NUBPL: variants seen among roughly 807,000 people sequenced by gnomAD.
The protein encoded by NUBPL is NUBP iron-sulfur cluster assembly factor, mitochondrial.
Under a neutral mutation model 45.7 loss-of-function variants are expected in NUBPL, and 31 were observed. That is an observed-to-expected ratio of 0.68 (90% confidence interval 0.51 to 0.92). NUBPL has a LOEUF of 0.92. NUBPL is among the 40% of genes least tolerant of loss of function. NUBPL has a pLI of 0.00. For missense variants in NUBPL, 401 were observed against 398.7 expected (o/e 1.01, Z -0.05); for synonymous variants, 144 against 140.9 (o/e 1.02, Z -0.15).
chr14:31,686,088 C>A (rs902185529), intron 6 of NUBPL, among the ~76,000 whole-genome samples: 3 of 151,952 alleles, frequency 2.0e-5, no homozygotes, highest in African/African-American at 4.8e-5. Flanking sequence ...ATGATAAGAC[C>A]CCTGTGTAGC....
chr14:31,784,250 G>A (rs551670163), intron 6 of NUBPL, among the ~76,000 whole-genome samples: 119 of 152,086 alleles, frequency 7.8e-4, no homozygotes, highest in Non-Finnish European at 1.0e-3. Flanking sequence ...GTTACAGTTC[G>A]TTTTCTTTTT....
In NUBPL at chr14:31,753,241, G is replaced by A. The variant is rs529137922; in HGVS notation, c.514-34539G>A. Among the ~76,000 whole-genome samples, 4 of 152,308 alleles carry A rather than the reference G, an allele frequency of 2.6e-5. No individual in the cohort carries two copies. In the East Asian group the frequency reaches 7.7e-4, roughly 29 times the overall value. ...CATGTAGTGTCCAGTGGCTCCACTG[G>A]TCACAGGGCCATGGTTGCCAGTGGC... On this transcript the variant is annotated intron_variant, in intron 6 of 10. Transcript: ENST00000281081.
At chr14:31,810,344 T>C (rs1183735914) in intron 7 of NUBPL, among the ~76,000 whole-genome samples, 1 of 152,228 alleles carries the variant, frequency 6.6e-6, no homozygotes, top group African/African-American at 2.4e-5. Flanking sequence ...GCTCTTCTTG[T>C]TGAATTGTTC....
chr14:31,802,554 G>A (rs531063422), intron 7 of NUBPL, among the ~76,000 whole-genome samples: 1 of 152,184 alleles, frequency 6.6e-6, no homozygotes, highest in Non-Finnish European at 1.5e-5. Context: ...GGGATTACAG[G>A]CGTGAGCCAC....
At chr14:31,666,269 A>T (rs1328070159) in intron 4 of NUBPL, among the ~76,000 whole-genome samples, 1,145 of 108,764 alleles carry the variant, frequency 0.011, 114 homozygotes, top group Admixed American at 0.096. Flanking sequence ...ATATAATTTT[A>T]TTTTATTTTT....
At chr14:31,678,733 G>A (rs568236878) in intron 6 of NUBPL, among the ~76,000 whole-genome samples, 6 of 152,140 alleles carry the variant, frequency 3.9e-5, no homozygotes, top group Non-Finnish European at 8.8e-5. Flanking sequence ...GTGAAGCCAC[G>A]ACCTGTGCAG....
chr14:31,705,819 G>A (rs954444003), intron 6 of NUBPL, among the ~76,000 whole-genome samples: 1 of 152,042 alleles, frequency 6.6e-6, no homozygotes, highest in South Asian at 2.1e-4. Context: ...CACCTAGCCC[G>A]GGCACTCTGG....
intron 2 of NUBPL, among the ~76,000 whole-genome samples, chr14:31,564,248 G>A (rs1164973754): frequency 3.3e-5 from 5 of 152,080 alleles, no homozygotes; most frequent in South Asian, 2.1e-4. Context: ...TATGGGATTC[G>A]TCAGCATAAG....
chr14:31,562,305 A>C lies in NUBPL; in HGVS notation c.256+90A>C. 2.4e-6 allele frequency: 3 copies of C among 1,274,014 alleles called. No homozygotes were observed. In the South Asian group the frequency reaches 4.3e-5, roughly 18 times the overall value. The allele number at this position is 1,274,014 out of a possible 1,614,324, so 78.9% of individuals were successfully genotyped here. A position where few individuals can be genotyped will look rare whatever the true frequency, so the allele number is the denominator to read the frequency against. ...TGAAATTATAGTTTTGTGTTTTAAA[A>C]ATTTATTTGTGAAGTTCCTAACATG... is the stretch of plus-strand genomic sequence containing the variant. On this transcript the variant is annotated intron_variant, in intron 2 of 10. Transcript: ENST00000281081.
chr14:31,722,059 C>T (rs2037821786), intron 6 of NUBPL, among the ~76,000 whole-genome samples: 1 of 152,074 alleles, frequency 6.6e-6, no homozygotes, highest in African/African-American at 2.4e-5. Flanking sequence ...TGCAGTGGCA[C>T]AGTCTTGGCT....
At chr14:31,751,845 A>G (rs1188394244) in intron 6 of NUBPL, among the ~76,000 whole-genome samples, 1 of 145,100 alleles carries the variant, frequency 6.9e-6, no homozygotes, top group Non-Finnish European at 1.5e-5. Flanking sequence ...AGACTTCCAT[A>G]CATCCTCTGA....
intron 6 of NUBPL, 89 bp from the exon 7 acceptor site, chr14:31,787,691 T>C: frequency 1.1e-6 from 1 of 881,762 alleles, no homozygotes; most frequent in Non-Finnish European, 1.9e-6. Context: ...GCTATGATTT[T>C]ATATTTGTTA....
At chr14:31,737,678 G>A (rs933733720) in intron 6 of NUBPL, among the ~76,000 whole-genome samples, 5 of 152,216 alleles carry the variant, frequency 3.3e-5, no homozygotes, top group Admixed American at 6.5e-5. Flanking sequence ...CGTCTACTCC[G>A]GAGGCTGAGG....
chr14:31,642,971 A>G (rs761074156), intron 4 of NUBPL, among the ~76,000 whole-genome samples: 1 of 152,100 alleles, frequency 6.6e-6, no homozygotes, highest in African/African-American at 2.4e-5. Flanking sequence ...CTGTTGGTGT[A>G]TATAAGTGCT....
At chr14:31,662,532 C>A (rs1595455419) in intron 4 of NUBPL, among the ~76,000 whole-genome samples, 1 of 152,082 alleles carries the variant, frequency 6.6e-6, no homozygotes, top group African/African-American at 2.4e-5. Context: ...CATCTGTTCT[C>A]ATTGTTCAAC....
chr14:31,839,521 AC>A (rs1050835762), intron 8 of NUBPL, among the ~76,000 whole-genome samples: 26 of 152,300 alleles, frequency 1.7e-4, no homozygotes, highest in African/African-American at 5.1e-4. Flanking sequence ...TTAGAAGAAA[AC>A]CTAGAAGAGA....
chr14:31,642,816 C>A (rs1193919147), intron 4 of NUBPL, among the ~76,000 whole-genome samples: 1 of 151,954 alleles, frequency 6.6e-6, no homozygotes, highest in Non-Finnish European at 1.5e-5. Context: ...GTAAAAATGT[C>A]CTCTTCAGTT....
intron 3 of NUBPL, among the ~76,000 whole-genome samples, chr14:31,584,213 C>T (rs2033936736): frequency 6.6e-6 from 1 of 152,022 alleles, no homozygotes; most frequent in South Asian, 2.1e-4. Flanking sequence ...CAACTTCTGC[C>T]TCCCGGGCTC....
chr14:31,841,220 TG>T (rs2040364838), intron 8 of NUBPL, among the ~76,000 whole-genome samples: 1 of 152,240 alleles, frequency 6.6e-6, no homozygotes, highest in Admixed American at 6.5e-5. Flanking sequence ...GTGGAATTGC[TG>T]GGCTGTAGTA....
Sources: gnomAD v4.1 joint callset for allele counts (sites outside exome capture counted in the v4.1 genomes callset) on GRCh38, gnomAD v4.1.1 for gene constraint, MANE v1.5 for transcripts, NCBI Gene and HGNC (gene_info 2026-07-23, HGNC 2026-07-21) for gene names.